The following DIP2C variants were observed in gnomAD, a reference collection of about 807,000 sequenced individuals.
The protein encoded by DIP2C is disco-interacting protein 2 homolog C.
Under a neutral mutation model 192.4 loss-of-function variants are expected in DIP2C, and 33 were observed. That is an observed-to-expected ratio of 0.17 (90% CI 0.13 to 0.23). The LOEUF is 0.23. Ranked by LOEUF, DIP2C falls within the 10% of genes least tolerant of loss-of-function variation. The pLI, the probability that DIP2C is intolerant of heterozygous loss-of-function variation, is 1.00. For missense variants in DIP2C, 1,537 were observed against 2,110.1 expected, an observed-to-expected ratio of 0.73 and a Z score of 5.32; for synonymous variants, 979 against 864.1, an observed-to-expected ratio of 1.13 and a Z score of -2.33.
chr10:483,196 T>C (rs962096193), intron 2 of DIP2C, among the ~76,000 whole-genome samples: 11 of 152,190 alleles, frequency 7.2e-5, no homozygotes, highest in Admixed American at 7.2e-4. Context: ...TTAGAATAGT[T>C]TCTGGAGGAA....
intron 1 of DIP2C, among the ~76,000 whole-genome samples, chr10:542,205 C>CCCTG (rs2130906591): frequency 6.6e-6 from 1 of 152,348 alleles, no homozygotes; most frequent in East Asian, 1.9e-4. Flanking sequence ...TCCTTCTGCT[C>CCCTG]CCTGCCTGCC....
rs1394458303 is a variant in DIP2C, at chr10:310,109, A to G, written c.3925-17T>C. On this transcript the variant is annotated splice_polypyrimidine_tract_variant and intron_variant, in intron 31 of 36. Coordinates refer to ENST00000280886, the MANE Select transcript of DIP2C (RefSeq NM_014974.3). ...TGAGGTTCCCTGCAAGCAACAACAG[A>G]GTGGTTAACTCAAGTTTACATGGAG... 6.2e-7 allele frequency: 1 copy of G among 1,613,034 alleles called. No homozygotes were observed. Among genetic ancestry groups the G allele is most frequent in the South Asian group, 1.1e-5 (1 of 91,044 alleles).
chr10:622,100 G>A (rs886529862), intron 1 of DIP2C, among the ~76,000 whole-genome samples: 2 of 151,128 alleles, frequency 1.3e-5, no homozygotes, highest in Non-Finnish European at 2.9e-5. Context: ...ACACATTAAG[G>A]AAAGACATGA....
At chr10:342,044 A>G (rs1308412204) in intron 28 of DIP2C, among the ~76,000 whole-genome samples, 1 of 152,184 alleles carries the variant, frequency 6.6e-6, no homozygotes, top group Non-Finnish European at 1.5e-5. Flanking sequence ...CTCATTTTCA[A>G]TGAGTAAACC....
chr10:518,878 G>T (rs941076455), intron 1 of DIP2C, among the ~76,000 whole-genome samples: 2 of 152,192 alleles, frequency 1.3e-5, no homozygotes, highest in Non-Finnish European at 2.9e-5. Context: ...TAAAGGAAAA[G>T]GAGGATCATT....
chr10:356,360 C>T lies in DIP2C; in HGVS notation c.2985+66G>A, dbSNP rs571616408. On this transcript the variant is annotated intron_variant, in intron 24 of 36. Transcript: ENST00000280886. ...AAGGATTCAAAGAAAGAAGCAGGAG[C>T]GCTCCCAGGAACCAGGCTAGGCCCC... The T allele has an allele frequency of 7.4e-5, 115 of 1,543,644 alleles. 1 individual carries two copies. The highest frequency in any genetic ancestry group is 5.2e-4 in the East Asian group (23 of 44,604).
chr10:520,056 A>G (rs1453013316), intron 1 of DIP2C, among the ~76,000 whole-genome samples: 1 of 152,254 alleles, frequency 6.6e-6, no homozygotes, highest in Non-Finnish European at 1.5e-5. Flanking sequence ...TGCATTCAGC[A>G]GTTTACTTAC....
chr10:647,548 C>G (rs951298687), intron 1 of DIP2C, among the ~76,000 whole-genome samples: 1 of 146,852 alleles, frequency 6.8e-6, no homozygotes, highest in East Asian at 2.1e-4. Flanking sequence ...TGGGAGAGAA[C>G]AGAGGGAAAC....
intron 6 of DIP2C, among the ~76,000 whole-genome samples, chr10:416,768 G>A (rs756915682): frequency 1.1e-4 from 16 of 152,116 alleles, no homozygotes; most frequent in Non-Finnish European, 1.9e-4. Flanking sequence ...GATCAAAAGC[G>A]TCCTCCTCAG....
chr10:595,664 C>G (rs1017456464), intron 1 of DIP2C, among the ~76,000 whole-genome samples: 2 of 152,136 alleles, frequency 1.3e-5, no homozygotes, highest in Non-Finnish European at 2.9e-5. Context: ...TCCAGGACAC[C>G]CCGGGTTTAC....
intron 1 of DIP2C, among the ~76,000 whole-genome samples, chr10:514,284 C>G (rs911189135): frequency 6.6e-6 from 1 of 152,136 alleles, no homozygotes; most frequent in Non-Finnish European, 1.5e-5. Flanking sequence ...TTCAATACGT[C>G]AAGCTTGTTG....
At chr10:343,819 A>T (rs982204312) in intron 28 of DIP2C, among the ~76,000 whole-genome samples, 5 of 152,180 alleles carry the variant, frequency 3.3e-5, no homozygotes, top group African/African-American at 9.7e-5. Flanking sequence ...AAATACCGAG[A>T]GCTTGTGATC....
chr10:450,575 GAC>G (rs1035832105), intron 3 of DIP2C, among the ~76,000 whole-genome samples: 4 of 152,120 alleles, frequency 2.6e-5, no homozygotes, highest in African/African-American at 7.2e-5. Context: ...AGGCCACTGG[GAC>G]ACACACTTTG....
chr10:541,264 G>C (rs1847969291), intron 1 of DIP2C, among the ~76,000 whole-genome samples: 4 of 152,156 alleles, frequency 2.6e-5, no homozygotes, highest in South Asian at 2.1e-4. Flanking sequence ...CTCTGTCACA[G>C]ACACACACAC....
intron 1 of DIP2C, among the ~76,000 whole-genome samples, chr10:542,273 G>A (rs1259493411): frequency 1.3e-5 from 2 of 152,234 alleles, no homozygotes; most frequent in Non-Finnish European, 2.9e-5. Context: ...AGGAGGCACT[G>A]CTGAGAAGCA....
At chr10:373,325 T>C (rs1961210614) in intron 17 of DIP2C, among the ~76,000 whole-genome samples, 2 of 152,206 alleles carry the variant, frequency 1.3e-5, no homozygotes, top group Admixed American at 6.5e-5. Flanking sequence ...TCCAATCCTA[T>C]GCCCCACAAA....
intron 21 of DIP2C, among the ~76,000 whole-genome samples, 172 bp from the exon 22 acceptor site, chr10:362,863 G>A (rs895006647): frequency 2.0e-5 from 3 of 152,000 alleles, no homozygotes; most frequent in African/African-American, 7.2e-5. Flanking sequence ...ACTCACCAAA[G>A]CTGAATAATG....
intron 1 of DIP2C, among the ~76,000 whole-genome samples, chr10:637,243 CAG>C (rs1430559225): frequency 6.6e-6 from 1 of 152,050 alleles, no homozygotes; most frequent in Non-Finnish European, 1.5e-5. Flanking sequence ...TGACAAGCAA[CAG>C]AAAATTCACA....
chr10:281,360 A>G (rs770780217), intron 35 of DIP2C, 37 bp from the exon 36 acceptor site: 3 of 1,571,206 alleles, frequency 1.9e-6, no homozygotes, highest in South Asian at 2.3e-5. Flanking sequence ...GCTTCCCCAT[A>G]ATGCCGCTCA....
Sources: allele counts gnomAD v4.1 joint callset (sites outside exome capture counted in the v4.1 genomes callset), GRCh38; gene constraint gnomAD v4.1.1; transcripts MANE v1.5; gene names NCBI Gene and HGNC (gene_info 2026-07-23, HGNC 2026-07-21).